Variants in TRIO observed in about 807,000 individuals in gnomAD.
TRIO encodes the protein trio Rho guanine nucleotide exchange factor.
A neutral mutation model predicts 351.9 loss-of-function variants in TRIO; 58 were observed. That is an observed-to-expected ratio of 0.16 (90% CI 0.13 to 0.21). The LOEUF is 0.21. Among genes scored for constraint, TRIO ranks in the 10% least tolerant of loss-of-function variants. The pLI, the probability that TRIO is intolerant of heterozygous loss-of-function variation, is 1.00. For missense variants in TRIO, 3,201 were observed against 4,027.8 expected (o/e 0.79, Z 5.56); for synonymous variants, 1,758 against 1,595.7 (o/e 1.10, Z -2.42).
intron 34 of TRIO, among the ~76,000 whole-genome samples, chr5:14,457,265 TA>T (rs1753383234): frequency 6.6e-6 from 1 of 151,240 alleles, no homozygotes; most frequent in African/African-American, 2.4e-5. Context: ...ATTCAATAAG[TA>T]GGAACTCAGG....
chr5:14,471,244 ATTTTCTTGTCT>A (rs1328088653), intron 37 of TRIO, 63 bp from the exon 38 acceptor site: 1 of 1,446,738 alleles, frequency 6.9e-7, no homozygotes, highest in East Asian at 2.4e-5. Flanking sequence ...GACTTTGGGT[ATTTTCTTGTCT>A]TAGTTTTAGC....
chr5:14,241,009 G>A (rs1157881439), intron 1 of TRIO, among the ~76,000 whole-genome samples: 1 of 152,110 alleles, frequency 6.6e-6, no homozygotes, highest in Non-Finnish European at 1.5e-5. Context: ...ATACTGGTGA[G>A]GTTTTTTAGG....
chr5:14,411,846 A>G (rs1749229883), intron 33 of TRIO, among the ~76,000 whole-genome samples: 1 of 151,796 alleles, frequency 6.6e-6, no homozygotes, highest in South Asian at 2.1e-4. Flanking sequence ...ACCTCAAGCA[A>G]TCCTCCCACC....
intron 52 of TRIO, 44 bp downstream of exon 52, chr5:14,498,295 C>T (rs761369090): frequency 3.8e-6 from 6 of 1,599,184 alleles, no homozygotes; most frequent in East Asian, 2.2e-5. Flanking sequence ...GCTGGGAGCA[C>T]CATCTTGTCA....
intron 1 of TRIO, among the ~76,000 whole-genome samples, chr5:14,168,879 C>T (rs990312693): frequency 6.6e-6 from 1 of 152,222 alleles, no homozygotes; most frequent in African/African-American, 2.4e-5. Context: ...CTGAGAAACC[C>T]AAGGTCTATC....
chr5:14,420,329 G>A, intron 34 of TRIO: 1 of 323,016 alleles, frequency 3.1e-6, no homozygotes, highest in Non-Finnish European at 5.9e-6. Flanking sequence ...TTTATCATCT[G>A]TGCCTTCTTC....
chr5:14,256,336 C>T lies in TRIO; in HGVS notation c.158-14489C>T, dbSNP rs986590540. On this transcript the variant is annotated intron_variant, in intron 1 of 56. Coordinates refer to ENST00000344204, the MANE Select transcript of TRIO (RefSeq NM_007118.4). ...CCCATGACTCAAACACCTCCCACCACGCCCCACCTCCAGCATGGGAGGTCA... is the reference window on the plus strand; with the variant it reads ...CCCATGACTCAAACACCTCCCACCATGCCCCACCTCCAGCATGGGAGGTCA... 3.9e-5 allele frequency among the ~76,000 whole-genome samples: 6 copies of T among 152,314 alleles called. No homozygotes were observed. In the East Asian group the frequency reaches 5.8e-4, roughly 15 times the overall value.
chr5:14,219,965 T>C (rs572506118), intron 1 of TRIO, among the ~76,000 whole-genome samples: 6 of 143,950 alleles, frequency 4.2e-5, no homozygotes, highest in Admixed American at 3.6e-4. Context: ...CAAGTGTTCA[T>C]GTACAGGCAT....
chr5:14,386,754 C>G (rs1236505553), intron 21 of TRIO, among the ~76,000 whole-genome samples: 2 of 152,184 alleles, frequency 1.3e-5, no homozygotes, highest in Non-Finnish European at 2.9e-5. Context: ...CTATGCTTAA[C>G]TTAATGAAAG....
intron 33 of TRIO, among the ~76,000 whole-genome samples, chr5:14,418,137 A>G (rs1202460097): frequency 6.6e-6 from 1 of 152,200 alleles, no homozygotes; most frequent in Non-Finnish European, 1.5e-5. Flanking sequence ...TCTCGGAGCC[A>G]GTGGGGAGCT....
intron 34 of TRIO, among the ~76,000 whole-genome samples, chr5:14,430,031 T>C (rs749339777): frequency 8.5e-5 from 13 of 152,146 alleles, no homozygotes; most frequent in African/African-American, 1.2e-4. Flanking sequence ...TTCACTGATA[T>C]ATACAGCGCT....
intron 1 of TRIO, among the ~76,000 whole-genome samples, chr5:14,150,972 A>G (rs908393186): frequency 3.3e-5 from 5 of 152,322 alleles, no homozygotes; most frequent in Middle Eastern, 3.4e-3. Context: ...AGCTATAGAC[A>G]GTTACCATTT....
At chr5:14,467,799 G>A (rs1754374997) in intron 37 of TRIO, among the ~76,000 whole-genome samples, 1 of 152,014 alleles carries the variant, frequency 6.6e-6, no homozygotes, top group African/African-American at 2.4e-5. Flanking sequence ...GTGACAGAGT[G>A]AGACCCTATA....
chr5:14,251,432 A>C (rs1794740631), intron 1 of TRIO, among the ~76,000 whole-genome samples: 1 of 152,184 alleles, frequency 6.6e-6, no homozygotes, highest in Non-Finnish European at 1.5e-5. Context: ...GAGATTCTTA[A>C]ACTACCATGG....
chr5:14,313,011 A>T (rs1026703706), intron 8 of TRIO, among the ~76,000 whole-genome samples: 1 of 152,224 alleles, frequency 6.6e-6, no homozygotes, highest in Non-Finnish European at 1.5e-5. Flanking sequence ...TTAATTGCCA[A>T]ATCTACAAAA....
chr5:14,370,976 T>C (rs1185057252), intron 18 of TRIO, among the ~76,000 whole-genome samples: 1 of 152,248 alleles, frequency 6.6e-6, no homozygotes, highest in Non-Finnish European at 1.5e-5. Flanking sequence ...TTGTGATTTT[T>C]GGACTTGTTG....
At chr5:14,504,366 A>G (rs1757513271) in intron 54 of TRIO, 27 bp from the exon 55 acceptor site, 1 of 1,613,122 alleles carries the variant, frequency 6.2e-7, no homozygotes, top group African/African-American at 1.3e-5. Flanking sequence ...CAGCCTCTGC[A>G]AATGGTCCCC....
At chr5:14,353,270 CTT>C (rs35179690) in intron 11 of TRIO, among the ~76,000 whole-genome samples, 204 of 117,294 alleles carry the variant, frequency 1.7e-3, no homozygotes, top group Middle Eastern at 4.7e-3. Context: ...TTCTAAGCAA[CTT>C]TTTTTTTTTT....
chr5:14,462,984 G>C, intron 36 of TRIO, 59 bp downstream of exon 36: 1 of 1,487,106 alleles, frequency 6.7e-7, no homozygotes, highest in Non-Finnish European at 8.9e-7. Flanking sequence ...GGGCACGCTC[G>C]GTAGCTGCTT....
Sources: allele counts gnomAD v4.1 joint callset (sites outside exome capture counted in the v4.1 genomes callset), GRCh38; gene constraint gnomAD v4.1.1; transcripts MANE v1.5; gene names NCBI Gene and HGNC (gene_info 2026-07-23, HGNC 2026-07-21).